The following SDK1 variants were observed in gnomAD, a reference collection of about 807,000 sequenced individuals.
SDK1 encodes sidekick cell adhesion molecule 1, also known as protein sidekick-1.
SDK1 carries 157 observed loss-of-function variants against 245.5 expected under a neutral mutation model. The observed-to-expected ratio is 0.64, with a 90% CI of 0.56 to 0.73. The LOEUF (loss-of-function observed/expected upper bound fraction) is 0.73. Among genes scored for constraint, SDK1 ranks in the 30% least tolerant of loss-of-function variants. The probability of loss-of-function intolerance (pLI) is 0.00; values close to 1 mark genes in which losing one functional copy is unlikely to be tolerated. For missense variants in SDK1, 3,583 were observed against 3,002.3 expected (o/e 1.19, Z -4.52); for synonymous variants, 1,647 against 1,278.5 (o/e 1.29, Z -6.15).
At chr7:3,801,390 A>G (rs1779102863) in intron 4 of SDK1, among the ~76,000 whole-genome samples, 1 of 152,182 alleles carries the variant, frequency 6.6e-6, no homozygotes, top group Non-Finnish European at 1.5e-5. Context: ...CTGTTTCATG[A>G]CCCTAGAGTC....
intron 5 of SDK1, among the ~76,000 whole-genome samples, chr7:3,883,040 T>G (rs1206512167): frequency 6.6e-6 from 1 of 152,188 alleles, no homozygotes; most frequent in African/African-American, 2.4e-5. Context: ...ACATAGGAAC[T>G]GCCACACTGA....
At chr7:3,723,831 CACGTGTATATACACGTACATATACAT>C (rs1562397391) in intron 4 of SDK1, among the ~76,000 whole-genome samples, 5 of 147,032 alleles carry the variant, frequency 3.4e-5, no homozygotes, top group African/African-American at 7.8e-5. Context: ...TATACATATA[CACGTGTATATACACGTACATATACAT>C]ATACACGTGT....
At chr7:4,020,520 G>A (rs1276519308) in intron 17 of SDK1, among the ~76,000 whole-genome samples, 3 of 152,180 alleles carry the variant, frequency 2.0e-5, no homozygotes, top group African/African-American at 7.2e-5. Context: ...AGGGAAGACG[G>A]GGGCAATGCT....
At chr7:3,742,013 T>TATATATATATATATGC (rs200563302) in intron 4 of SDK1, among the ~76,000 whole-genome samples, 5 of 145,712 alleles carry the variant, frequency 3.4e-5, no homozygotes, top group African/African-American at 1.3e-4. Context: ...TATATATATA[T>TATATATATATATATGC]GCTGTATTTT....
chr7:4,224,671 G>A (rs1785320836), intron 40 of SDK1, among the ~76,000 whole-genome samples: 1 of 151,994 alleles, frequency 6.6e-6, no homozygotes, highest in Non-Finnish European at 1.5e-5. Context: ...GTGTCCTTGA[G>A]CCAACAGATC....
At chr7:3,657,409 G>T (rs1426195870) in intron 4 of SDK1, among the ~76,000 whole-genome samples, 1 of 152,174 alleles carries the variant, frequency 6.6e-6, no homozygotes, top group African/African-American at 2.4e-5. Context: ...ACCCTGCCGA[G>T]TCCTGGAAAG....
intron 31 of SDK1, among the ~76,000 whole-genome samples, chr7:4,160,294 ATC>A (rs911506390): frequency 2.6e-5 from 4 of 152,224 alleles, no homozygotes; most frequent in African/African-American, 9.6e-5. Context: ...CATTGTCGTA[ATC>A]TCTCTGACAG....
At chr7:3,881,183 AC>A (rs1781199987) in intron 5 of SDK1, among the ~76,000 whole-genome samples, 1 of 151,976 alleles carries the variant, frequency 6.6e-6, no homozygotes, top group Non-Finnish European at 1.5e-5. Flanking sequence ...GTGGTTTGCT[AC>A]ACGAATCAAC....
At chr7:3,398,977 T>C (rs1778809006) in intron 1 of SDK1, among the ~76,000 whole-genome samples, 1 of 152,066 alleles carries the variant, frequency 6.6e-6, no homozygotes, top group East Asian at 1.9e-4. Context: ...AGTTTTCCAC[T>C]ATTTTTCATG....
At chr7:3,719,646 C>T (rs991020879) in intron 4 of SDK1, among the ~76,000 whole-genome samples, 1 of 152,006 alleles carries the variant, frequency 6.6e-6, no homozygotes, top group Non-Finnish European at 1.5e-5. Context: ...AAAGAAAACT[C>T]AAAAAAGTAT....
chr7:3,604,650 TGGAGTG>T (rs1781363424), intron 1 of SDK1, among the ~76,000 whole-genome samples: 1 of 148,842 alleles, frequency 6.7e-6, no homozygotes, highest in African/African-American at 2.5e-5. Context: ...TTGCCCAGGC[TGGAGTG>T]CAATGGTGTG....
intron 4 of SDK1, among the ~76,000 whole-genome samples, chr7:3,816,102 A>G (rs944341821): frequency 7.2e-6 from 1 of 139,614 alleles, no homozygotes; most frequent in African/African-American, 2.8e-5. Flanking sequence ...AGCAGTGTGT[A>G]GAGGGAAATT....
intron 1 of SDK1, among the ~76,000 whole-genome samples, chr7:3,312,400 G>C (rs1053769391): frequency 3.3e-5 from 5 of 152,128 alleles, no homozygotes; most frequent in African/African-American, 1.2e-4. Flanking sequence ...CAGATGAATA[G>C]TATTCCAGGA....
chr7:3,390,314 CTA>C (rs1389074848), intron 1 of SDK1, among the ~76,000 whole-genome samples: 1 of 152,116 alleles, frequency 6.6e-6, no homozygotes, highest in Non-Finnish European at 1.5e-5. Context: ...AAATATATCT[CTA>C]TAAAAGAGTT....
chr7:3,968,164 T>G (rs1195694959), intron 10 of SDK1, among the ~76,000 whole-genome samples: 1 of 152,170 alleles, frequency 6.6e-6, no homozygotes, highest in Non-Finnish European at 1.5e-5. Flanking sequence ...CGGCCTTTGT[T>G]TTGTTGAAGA....
intron 19 of SDK1, among the ~76,000 whole-genome samples, chr7:4,057,323 C>G (rs1194211615): frequency 6.6e-6 from 1 of 152,184 alleles, no homozygotes; most frequent in Non-Finnish European, 1.5e-5. Context: ...CTGTCCACCA[C>G]TATGAGCACC....
chr7:3,834,210 A>G (rs1044777991), intron 5 of SDK1, among the ~76,000 whole-genome samples: 2 of 152,184 alleles, frequency 1.3e-5, no homozygotes, highest in Non-Finnish European at 1.5e-5. Context: ...CCTGCCCTTT[A>G]AACACTCAGA....
chr7:3,915,345 C>T (rs568506694), intron 5 of SDK1, among the ~76,000 whole-genome samples: 9 of 152,330 alleles, frequency 5.9e-5, no homozygotes, highest in Admixed American at 2.6e-4. Context: ...CCACCCAAAT[C>T]TCATCTTGAA....
At chr7:3,905,697 A>C (rs1201711304) in intron 5 of SDK1, among the ~76,000 whole-genome samples, 1 of 151,826 alleles carries the variant, frequency 6.6e-6, no homozygotes, top group Non-Finnish European at 1.5e-5. Flanking sequence ...ACAATCACTC[A>C]CTGTAACCCC....
Sources: allele counts gnomAD v4.1 joint callset (sites outside exome capture counted in the v4.1 genomes callset), GRCh38; gene constraint gnomAD v4.1.1; transcripts MANE v1.5; gene names NCBI Gene and HGNC (gene_info 2026-07-23, HGNC 2026-07-21).